Variants in SLC4A5 observed in about 807,000 individuals in gnomAD.
SLC4A5 encodes the protein solute carrier family 4 member 5, also known as electrogenic sodium bicarbonate cotransporter 4.
SLC4A5 carries 96 observed loss-of-function variants against 120.4 expected under a neutral mutation model. The ratio of observed to expected loss-of-function variants is 0.80; its 90% CI spans 0.68 to 0.94. The LOEUF is 0.94. Ranked by LOEUF, SLC4A5 falls within the 40% of genes least tolerant of loss-of-function variation. The probability of loss-of-function intolerance (pLI) is 0.00; values close to 1 mark genes in which losing one functional copy is unlikely to be tolerated. For missense variants in SLC4A5, 1,259 were observed against 1,459.5 expected (o/e 0.86, Z 2.24); for synonymous variants, 550 against 571.1 (o/e 0.96, Z 0.53).
intron 18 of SLC4A5, 27 bp from the exon 19 acceptor site, chr2:74,247,334 C>A (rs374119593): frequency 1.3e-6 from 2 of 1,599,720 alleles, no homozygotes; most frequent in African/African-American, 1.3e-5. Flanking sequence ...AGGTGAGGGG[C>A]CTCCAGCCCA....
intron 8 of SLC4A5, among the ~76,000 whole-genome samples, chr2:74,272,507 G>C (rs568578108): frequency 6.6e-6 from 1 of 152,250 alleles, no homozygotes; most frequent in East Asian, 1.9e-4. Flanking sequence ...ATTAGAGTTG[G>C]GGAAGCAGGT....
At chr2:74,242,568 G>A (rs1185979250) in intron 19 of SLC4A5, among the ~76,000 whole-genome samples, 3 of 152,094 alleles carry the variant, frequency 2.0e-5, no homozygotes, top group African/African-American at 4.8e-5. Context: ...GTTCATACTC[G>A]GAGCCATGAT....
At chr2:74,278,866 C>T (rs765882288) in intron 8 of SLC4A5, among the ~76,000 whole-genome samples, 1 of 152,208 alleles carries the variant, frequency 6.6e-6, no homozygotes, top group Non-Finnish European at 1.5e-5. Context: ...AACAAGAGAG[C>T]GATGGCTGCT....
At chr2:74,307,540 G>A in intron 6 of SLC4A5, 2 of 630,480 alleles carry the variant, frequency 3.2e-6, no homozygotes, top group Non-Finnish European at 6.0e-6. Context: ...TTGGCAGCAA[G>A]ATGGGCACTG....
At chr2:74,262,805 C>T (rs1671183793) in intron 10 of SLC4A5, among the ~76,000 whole-genome samples, 1 of 152,114 alleles carries the variant, frequency 6.6e-6, no homozygotes, top group Admixed American at 6.6e-5. Context: ...TGCTTGGGTT[C>T]ATCCCTGATT....
At chr2:74,326,882 C>A (rs1673229380) in intron 5 of SLC4A5, among the ~76,000 whole-genome samples, 1 of 152,056 alleles carries the variant, frequency 6.6e-6, no homozygotes, top group Admixed American at 6.6e-5. Flanking sequence ...GGGGTCCTTG[C>A]CCAAGCAGAC....
intron 3 of SLC4A5, among the ~76,000 whole-genome samples, chr2:74,335,503 A>G (rs571764853): frequency 1.3e-5 from 2 of 152,260 alleles, no homozygotes; most frequent in South Asian, 4.1e-4. Context: ...ACCTCAGCCA[A>G]CCTGAGCTAC....
chr2:74,237,694 C>T (rs1230863299), intron 21 of SLC4A5, among the ~76,000 whole-genome samples: 1 of 152,054 alleles, frequency 6.6e-6, no homozygotes, highest in Non-Finnish European at 1.5e-5. Context: ...GAAAGAGTTG[C>T]TTAAATTCTT....
At position 74,309,285 on chromosome 2, in the gene SLC4A5, A is replaced by C. The variant is rs140172043; in HGVS notation, c.80-4605T>G. Among the ~76,000 whole-genome samples, 113 of 151,928 alleles carry C rather than the reference A, an allele frequency of 7.4e-4. 1 individual carries two copies. Among genetic ancestry groups the C allele is most frequent in the African/African-American group, 2.4e-3 (100 of 41,398 alleles). ...TCCATCACCATTTGCTGAAAATATT[A>C]TTCTTCTTCCATTAAATTGCCTTTG... On this transcript the variant is annotated intron_variant, in intron 6 of 30. Coordinates refer to ENST00000394019, the Ensembl canonical transcript of SLC4A5.
intron 30 of SLC4A5, among the ~76,000 whole-genome samples, chr2:74,219,642 T>C (rs1480175902): frequency 2.0e-5 from 3 of 152,188 alleles, no homozygotes; most frequent in African/African-American, 7.2e-5. Context: ...TTGTGTAATT[T>C]AACAGGGTTT....
At chr2:74,267,663 G>C (rs531453458) in intron 8 of SLC4A5, among the ~76,000 whole-genome samples, 10 of 152,340 alleles carry the variant, frequency 6.6e-5, no homozygotes, top group African/African-American at 2.4e-4. Flanking sequence ...CGGGATTTAA[G>C]ACTTTCACTT....
chr2:74,277,633 T>C (rs1339205624), intron 8 of SLC4A5, among the ~76,000 whole-genome samples: 1 of 152,220 alleles, frequency 6.6e-6, no homozygotes, highest in Non-Finnish European at 1.5e-5. Context: ...CTCTGGAGTC[T>C]GATGGCTGTG....
chr2:74,231,351 C>T (rs2103909203), intron 24 of SLC4A5, 43 bp from the exon 25 acceptor site: 1 of 1,582,024 alleles, frequency 6.3e-7, no homozygotes, highest in South Asian at 1.2e-5. Flanking sequence ...CAGGAAATGC[C>T]TGGCAACTAC....
At chr2:74,288,333 T>C (rs546109502) in intron 7 of SLC4A5, among the ~76,000 whole-genome samples, 1 of 152,280 alleles carries the variant, frequency 6.6e-6, no homozygotes, top group South Asian at 2.1e-4. Flanking sequence ...CTTATTGCCA[T>C]GCACCCAAAT....
At chr2:74,240,516 T>C (rs1670404091) in intron 20 of SLC4A5, among the ~76,000 whole-genome samples, 1 of 152,192 alleles carries the variant, frequency 6.6e-6, no homozygotes. Flanking sequence ...TAATAGGGAT[T>C]CAGAAATAGG....
intron 7 of SLC4A5, among the ~76,000 whole-genome samples, chr2:74,296,613 A>C (rs1236481504): frequency 1.4e-5 from 2 of 145,508 alleles, no homozygotes; most frequent in Non-Finnish European, 3.0e-5. Context: ...TCTACTAAAA[A>C]TACAAAAAAA....
Position 74,252,304 on chromosome 2 carries a change from T to A in SLC4A5, c.1353A>T (p.Gly451=). The stretch of plus-strand genomic sequence containing the variant: ...CGCCACTGCCACCACCACCACCACC[T>A]CCATTGCCTCCTCCAGGAGCTCCGC... Residue 451 remains glycine (G), a synonymous_variant, in exon 16 of 31, where the codon GGA becomes GGT. Coordinates refer to ENST00000394019, the Ensembl canonical transcript of SLC4A5. 5 of 1,612,404 alleles carry A rather than the reference T, an allele frequency of 3.1e-6. No homozygotes were observed. In the South Asian group the frequency reaches 5.5e-5, roughly 18 times the overall value.
intron 4 of SLC4A5, among the ~76,000 whole-genome samples, chr2:74,329,162 C>T (rs961413383): frequency 6.6e-6 from 1 of 152,088 alleles, no homozygotes; most frequent in African/African-American, 2.4e-5. Context: ...AGCAGTAAAA[C>T]GGTGGCAATG....
At chr2:74,337,006 T>A (rs1673505179) in intron 3 of SLC4A5, among the ~76,000 whole-genome samples, 1 of 152,164 alleles carries the variant, frequency 6.6e-6, no homozygotes. Context: ...AAAATGGTCA[T>A]GAGAAAGATC....
Sources: allele counts gnomAD v4.1 joint callset (sites outside exome capture counted in the v4.1 genomes callset), GRCh38; gene constraint gnomAD v4.1.1; transcripts MANE v1.5; gene names NCBI Gene and HGNC (gene_info 2026-07-23, HGNC 2026-07-21).